PIWIL1: variants seen among roughly 807,000 people sequenced by gnomAD.
PIWIL1 encodes piwi-like protein 1.
Under a neutral mutation model 114.4 loss-of-function variants are expected in PIWIL1, and 73 were observed. The ratio of observed to expected loss-of-function variants is 0.64; its 90% CI spans 0.53 to 0.78. PIWIL1 has a LOEUF of 0.78. Among genes scored for constraint, PIWIL1 ranks in the 30% least tolerant of loss-of-function variants. The probability of loss-of-function intolerance (pLI) is 0.00; values close to 1 mark genes in which losing one functional copy is unlikely to be tolerated. For missense variants in PIWIL1, 723 were observed against 1,063.1 expected, an observed-to-expected ratio of 0.68 and a Z score of 4.45; for synonymous variants, 375 against 369.0, an observed-to-expected ratio of 1.02 and a Z score of -0.19.
the PIWIL1 span, among the ~76,000 whole-genome samples, chr12:130,380,893 A>G: frequency 1.3e-5 from 2 of 152,346 alleles, no homozygotes; most frequent in Non-Finnish European, 2.9e-5. Flanking sequence ...CAAACAAAGT[A>G]GGCCCTAGGT....
chr12:130,421,709 G>A, the PIWIL1 span, among the ~76,000 whole-genome samples: 3 of 151,966 alleles, frequency 2.0e-5, no homozygotes, highest in South Asian at 4.2e-4. Context: ...GTGTGTGTGT[G>A]TGTGTGTGTG....
chr12:130,347,166 G>A, intron 6 of PIWIL1, 104 bp downstream of exon 6: 2 of 841,204 alleles, frequency 2.4e-6, no homozygotes, highest in Non-Finnish European at 3.8e-6. Context: ...CATTGGTTGG[G>A]ATTATTGAGT....
At chr12:130,401,877 G>A in the PIWIL1 span, among the ~76,000 whole-genome samples, 1 of 152,076 alleles carries the variant, frequency 6.6e-6, no homozygotes, top group African/African-American at 2.4e-5. Context: ...AGTGTGTTCT[G>A]TGAACACACA....
Position 130,337,951 on chromosome 12 carries a change from GA to G in PIWIL1, c.-204del. The stretch of plus-strand genomic sequence containing the variant: ...CGGGAGGCGGTGTTCATCCGCCCGG[GA>G]AAAGAGCGCCTGTTGCTCGCTGCCC... On this transcript the variant is annotated 5_prime_UTR_variant, in exon 1 of 21. The change creates a premature stop within an existing upstream ORF in the 5' untranslated region. Transcript: ENST00000245255. 1 of 162,500 alleles carries G rather than the reference GA, an allele frequency of 6.2e-6. No homozygotes were observed. Among genetic ancestry groups the G allele is most frequent in the Non-Finnish European group, 1.3e-5 (1 of 75,138 alleles). The allele number at this position is 162,500 out of a possible 1,614,324, so 10.1% of individuals were successfully genotyped here.
chr12:130,413,727 A>G, the PIWIL1 span, among the ~76,000 whole-genome samples: 1 of 151,076 alleles, frequency 6.6e-6, no homozygotes, highest in Non-Finnish European at 1.5e-5. Context: ...ATGGAACTCC[A>G]GCCTCTAGCT....
intron 1 of PIWIL1, among the ~76,000 whole-genome samples, chr12:130,341,859 CACTT>C (rs2072925388): frequency 6.6e-6 from 1 of 152,184 alleles, no homozygotes; most frequent in Non-Finnish European, 1.5e-5. Context: ...TCACAGGAAG[CACTT>C]AGTACCATCA....
chr12:130,353,795 G>A (rs1310102786), intron 9 of PIWIL1, among the ~76,000 whole-genome samples: 2 of 151,406 alleles, frequency 1.3e-5, no homozygotes, highest in Non-Finnish European at 2.9e-5. Flanking sequence ...GCACGGTGGT[G>A]TGCACCTGTA....
intron 5 of PIWIL1, 141 bp downstream of exon 5, chr12:130,346,725 CATT>C: frequency 2.3e-6 from 2 of 862,138 alleles, no homozygotes. Context: ...GGTACTTTGG[CATT>C]ATTGTAGCAT....
At chr12:130,374,869 C>T (rs1320941233), downstream of PIWIL1, among the ~76,000 whole-genome samples, 1 of 152,202 alleles carries the variant, frequency 6.6e-6, no homozygotes, top group Non-Finnish European at 1.5e-5. Context: ...TTCTCAACAG[C>T]CTCTTAGGGG....
At chr12:130,340,557 C>A (rs922197705) in intron 1 of PIWIL1, among the ~76,000 whole-genome samples, 1 of 148,944 alleles carries the variant, frequency 6.7e-6, no homozygotes, top group Non-Finnish European at 1.5e-5. Context: ...CCTGCTCACT[C>A]ACTGCGGCTC....
At chr12:130,388,600 C>T in the PIWIL1 span, among the ~76,000 whole-genome samples, 1 of 152,092 alleles carries the variant, frequency 6.6e-6, no homozygotes, top group Non-Finnish European at 1.5e-5. Flanking sequence ...CTTATTATCC[C>T]ATTTACTTGA....
chr12:130,418,333 A>C, the PIWIL1 span, among the ~76,000 whole-genome samples: 1 of 152,136 alleles, frequency 6.6e-6, no homozygotes, highest in Non-Finnish European at 1.5e-5. Flanking sequence ...AAAAAACCTG[A>C]CTTTTTTCTA....
the PIWIL1 span, among the ~76,000 whole-genome samples, chr12:130,409,701 CCT>C: frequency 2.2e-3 from 336 of 152,298 alleles, 10 homozygotes; most frequent in East Asian, 0.055. Context: ...GAGATTCACC[CCT>C]GTCACTGGCT....
chr12:130,398,591 C>T, the PIWIL1 span: 1 of 152,572 alleles, frequency 6.6e-6, no homozygotes, highest in East Asian at 1.9e-4. Flanking sequence ...TGAGGAGGAG[C>T]ATAGCTCTCT....
At chr12:130,362,651 A>T in intron 16 of PIWIL1, 115 bp from the exon 17 acceptor site, 1 of 845,684 alleles carries the variant, frequency 1.2e-6, no homozygotes, top group Non-Finnish European at 1.9e-6. Context: ...AGATGTCTTT[A>T]AGGCAGTTAC....
intron 13 of PIWIL1, 44 bp downstream of exon 13, chr12:130,357,149 T>A: frequency 6.7e-7 from 1 of 1,503,060 alleles, no homozygotes; most frequent in Non-Finnish European, 9.2e-7. Flanking sequence ...TGCTTGGCAG[T>A]CATTTGGAGG....
At chr12:130,350,825 A>G (rs951434274) in intron 9 of PIWIL1, among the ~76,000 whole-genome samples, 2 of 152,196 alleles carry the variant, frequency 1.3e-5, no homozygotes, top group African/African-American at 2.4e-5. Context: ...AAAAGTATTC[A>G]TATTTTGCAT....
Position 130,354,666 on chromosome 12 carries a change from A to G in PIWIL1, c.1171+3A>G, listed in dbSNP as rs748970480. On this transcript the variant is annotated splice_donor_region_variant and intron_variant, in intron 10 of 20. Coordinates refer to ENST00000245255, the MANE Select transcript of PIWIL1 (RefSeq NM_004764.5). ...TCCTGAGCTCTGCTATCTTACAGGT[A>G]CTGTTGCATTTCATTTACTCGGAAG... 6.4e-7 allele frequency: 1 copy of G among 1,567,982 alleles called. No individual in the cohort carries two copies. Among genetic ancestry groups the G allele is most frequent in the Admixed American group, 2.0e-5 (1 of 49,216 alleles).
chr12:130,392,360 C>T, the PIWIL1 span, among the ~76,000 whole-genome samples: 58 of 116,800 alleles, frequency 5.0e-4, no homozygotes, highest in African/African-American at 1.0e-3. Flanking sequence ...TGTGATGACC[C>T]GGTCACCGTC....
Sources: gnomAD v4.1 joint callset for allele counts (sites outside exome capture counted in the v4.1 genomes callset) on GRCh38, gnomAD v4.1.1 for gene constraint, MANE v1.5 for transcripts, NCBI Gene and HGNC (gene_info 2026-07-23, HGNC 2026-07-21) for gene names.